The following CRAMP1 variants were observed in gnomAD, a reference collection of about 807,000 sequenced individuals.
CRAMP1 encodes the protein cramped chromatin regulator 1, also known as protein cramped-like.
In CRAMP1, 50 loss-of-function variants were observed where a neutral mutation model predicts 115.4. The observed-to-expected ratio is 0.43, with a 90% CI of 0.35 to 0.55. CRAMP1 has a LOEUF of 0.55. CRAMP1 is among the 20% of genes least tolerant of loss of function. CRAMP1 has a pLI of 0.01. For synonymous variants in CRAMP1, 866 were observed against 745.4 expected (o/e 1.16, Z -2.64); for missense variants, 1,679 against 1,721.7 (o/e 0.98, Z 0.44).
At chr16:1,623,743 T>G (rs1046791680) in intron 2 of CRAMP1, among the ~76,000 whole-genome samples, 2 of 152,214 alleles carry the variant, frequency 1.3e-5, no homozygotes, top group Admixed American at 6.5e-5. Flanking sequence ...TGCCCTGTAT[T>G]GAAAAGTTAA....
chr16:1,659,991 C>T lies in CRAMP1; in HGVS notation c.2341C>T (p.Arg781Cys), dbSNP rs746650368. 17 of 1,605,950 alleles carry T rather than the reference C, an allele frequency of 1.1e-5. No individual in the cohort carries two copies. The highest frequency in any genetic ancestry group is 1.3e-5 in the Non-Finnish European group (15 of 1,179,750). ...KVVTVSSRSP[R>C]CPRNQASLRS... ...GGTGACCGTCAGCTCTCGCAGCCCCCGCTGCCCTCGGAACCAGGCCTCCCT... is the reference window on the plus strand; with the variant it reads ...GGTGACCGTCAGCTCTCGCAGCCCCTGCTGCCCTCGGAACCAGGCCTCCCT... The change falls in exon 11 of 21, where the codon CGC becomes TGC. Residue 781 changes from arginine to cysteine, a missense_variant. Transcript: ENST00000397412.
Position 1,632,736 on chromosome 16 carries a change from G to A in CRAMP1, c.694+371G>A, listed in dbSNP as rs576034679. On this transcript the variant is annotated intron_variant, in intron 4 of 20. Coordinates refer to ENST00000397412, the MANE Select transcript of CRAMP1 (RefSeq NM_020825.4). ...GCGAGGGGCTTGGGCCGCAGGCACC[G>A]TGCCTGGCGCTGGTCTTCCTGGGGG... 2.6e-5 allele frequency among the ~76,000 whole-genome samples: 4 copies of A among 152,346 alleles called. No homozygotes were observed. In the East Asian group the frequency reaches 5.8e-4, roughly 22 times the overall value.
rs1464955247 is a variant in CRAMP1, at chr16:1,668,117, T to C, written c.3258T>C (p.Asp1086=). 1.9e-6 allele frequency: 3 copies of C among 1,613,426 alleles called. No homozygotes were observed. Residue 1086 remains aspartate (D), a synonymous_variant, in exon 18 of 21, where the codon GAT becomes GAC. Transcript: ENST00000397412. ...LDISLPGPPE[D]ALSQGEPATH... is the part of the protein sequence containing the mutation. ...TCTCCCTGCCCGGCCCACCTGAGGA[T>C]GCGCTGTCACAGGGCGAGCCTGCCA... is the stretch of plus-strand genomic sequence containing the variant.
chr16:1,659,595 G>C (rs1339578304), intron 10 of CRAMP1, among the ~76,000 whole-genome samples: 1 of 152,112 alleles, frequency 6.6e-6, no homozygotes, highest in African/African-American at 2.4e-5. Flanking sequence ...CACCGTGTTA[G>C]CCAGGATGGT....
At chr16:1,633,427 A>C (rs1455001797) in intron 4 of CRAMP1, among the ~76,000 whole-genome samples, 1 of 152,242 alleles carries the variant, frequency 6.6e-6, no homozygotes, top group Non-Finnish European at 1.5e-5. Context: ...TGGTCTCTGC[A>C]CATTAGGGGT....
Position 1,674,223 on chromosome 16 carries a change from T to A in CRAMP1, c.*178T>A. The A allele has an allele frequency of 3.2e-6, 2 of 630,616 alleles. No homozygotes were observed. The highest frequency in any genetic ancestry group is 5.5e-6 in the Non-Finnish European group (2 of 365,874). The allele number at this position is 630,616 out of a possible 1,614,324, so 39.1% of individuals were successfully genotyped here. A position where few individuals can be genotyped will look rare whatever the true frequency, so the allele number is the denominator to read the frequency against. On this transcript the variant is annotated 3_prime_UTR_variant, in exon 21 of 21. Transcript: ENST00000397412. ...AGCAGGCAACGGCGTCCAAGGAGACTAGGATGAGTTCTTGGCAAGGGCCAG... is the reference window on the plus strand; with the variant it reads ...AGCAGGCAACGGCGTCCAAGGAGACAAGGATGAGTTCTTGGCAAGGGCCAG...
At chr16:1,673,776 G>T in intron 20 of CRAMP1, 105 bp from the exon 21 acceptor site, 2 of 1,040,062 alleles carry the variant, frequency 1.9e-6, no homozygotes, top group Non-Finnish European at 2.9e-6. Flanking sequence ...TTAGCTTCCT[G>T]CAGCGGGAGT....
Position 1,619,036 on chromosome 16 carries a change from T to C in CRAMP1, c.346+4051T>C, listed in dbSNP as rs544536531. 4.6e-5 allele frequency among the ~76,000 whole-genome samples: 7 copies of C among 152,378 alleles called. No homozygotes were observed. The East Asian group carries it at 1.3e-3, about 29-fold the overall frequency. On this transcript the variant is annotated intron_variant, in intron 2 of 20. Transcript: ENST00000397412. ...AGGTAGACTTTTCGATTTTCATTTT[T>C]GTATCTTATTGTGGCTTATGTAAGG...
Position 1,668,173 on chromosome 16 carries a change from C to G in CRAMP1, c.3314C>G (p.Ala1105Gly). Residue 1105 changes from alanine to glycine, a missense_variant, in exon 18 of 21, where the codon GCC becomes GGC. Physicochemically the swap from Ala to Gly is moderately conservative, Grantham distance 60. Transcript: ENST00000397412. ...ATTAGCGACTCCATCATTGAGATCG[C>G]CATCAGCTCCGGTCAGTACGGTAAG... Reference protein sequence around the residue: ...THISDSIIEIAISSGQYGEGV... With the variant: ...THISDSIIEIGISSGQYGEGV... 1 of 1,613,468 alleles carries G rather than the reference C, an allele frequency of 6.2e-7. No homozygotes were observed. Among genetic ancestry groups the G allele is most frequent in the Middle Eastern group, 1.6e-4 (1 of 6,062 alleles).
chr16:1,656,328 A>G lies in CRAMP1; in HGVS notation c.1571A>G (p.Glu524Gly). The change falls in exon 10 of 21, where the codon GAG becomes GGG. Residue 524 changes from glutamate (E) to glycine (G), a missense_variant. Glu to Gly is a moderately conservative substitution (Grantham distance 98). This residue lies in a region of CRAMP1 where 405 missense variants were observed against 302.6 expected (regional missense o/e 1.34). Transcript: ENST00000397412. The surrounding 1 kb of genome is among the most constrained non-coding windows in gnomAD (Gnocchi z 5.6). The part of the protein sequence containing the change: ...PRHQDTGPCL[E>G]KTPAEGRDSP... ...CACCAGGACACTGGGCCATGTCTTG[A>G]GAAGACCCCTGCAGAAGGCAGGGAC... The G allele has an allele frequency of 6.2e-7, 1 of 1,610,876 alleles. No individual in the cohort carries two copies. Among genetic ancestry groups the G allele is most frequent in the Non-Finnish European group, 8.5e-7 (1 of 1,179,108 alleles).
chr16:1,662,865 G>A (rs2036845124), intron 13 of CRAMP1, 30 bp downstream of exon 13: 2 of 1,592,888 alleles, frequency 1.3e-6, no homozygotes, highest in Admixed American at 1.7e-5. Context: ...TGAACGTGTG[G>A]CCTCGTGGCT....
rs1433069840 is a variant in CRAMP1 at position 1,666,575 on chromosome 16, A to C, written c.3011A>C (p.Asp1004Ala). 1 of 1,613,774 alleles carries C rather than the reference A, an allele frequency of 6.2e-7. No individual in the cohort carries two copies. The highest frequency in any genetic ancestry group is 8.5e-7 in the Non-Finnish European group (1 of 1,179,854). Reference protein sequence around the residue: ...SGQDSTGTHQDGDTLPTVGGS... With the variant: ...SGQDSTGTHQAGDTLPTVGGS... ...CAGGACTCTACTGGAACTCACCAGG[A>C]TGGAGACACCCTCCCCACCGTGGGG... Residue 1004 changes from aspartate (D) to alanine (A), a missense_variant, in exon 16 of 21, where the codon GAT becomes GCT. This residue lies in a region of CRAMP1 where 709 missense variants were observed against 741.9 expected (regional missense o/e 0.96). Transcript: ENST00000397412. The surrounding 1 kb of genome is among the most constrained non-coding windows in gnomAD (Gnocchi z 5.0).
Position 1,671,561 on chromosome 16 carries a change from G to A in CRAMP1, c.3645+752G>A, listed in dbSNP as rs950240468. On this transcript the variant is annotated intron_variant, in intron 20 of 20. Transcript: ENST00000397412. The surrounding 1 kb of genome is among the most constrained non-coding windows in gnomAD (Gnocchi z 5.0). ...CAGAGTGGCAGGTGTGTGGGCAGTC[G>A]GGTGAGGGCTCTATGGACAGGGAGG... 5.9e-5 allele frequency among the ~76,000 whole-genome samples: 9 copies of A among 152,160 alleles called. No individual in the cohort carries two copies. Among genetic ancestry groups the A allele is most frequent in the African/African-American group, 1.7e-4 (7 of 41,430 alleles).
chr16:1,642,835 T>G (rs1449211976), intron 6 of CRAMP1, among the ~76,000 whole-genome samples: 1 of 152,250 alleles, frequency 6.6e-6, no homozygotes, highest in Non-Finnish European at 1.5e-5. Flanking sequence ...GACTCTTTGC[T>G]GTATGCTTGA....
intron 2 of CRAMP1, among the ~76,000 whole-genome samples, chr16:1,620,290 C>T (rs1212030604): frequency 1.3e-5 from 2 of 152,196 alleles, no homozygotes. Context: ...GGAAGGGTCC[C>T]TGCTGTCTTA....
chr16:1,615,091 C>T (rs2036406502), intron 2 of CRAMP1, 106 bp downstream of exon 2: 1 of 615,970 alleles, frequency 1.6e-6, no homozygotes, highest in East Asian at 3.6e-5. Context: ...TCACCCATCC[C>T]GCGGCCTACA....
chr16:1,620,406 T>C (rs1436416090), intron 2 of CRAMP1, among the ~76,000 whole-genome samples: 3 of 152,160 alleles, frequency 2.0e-5, no homozygotes, highest in Admixed American at 2.0e-4. Context: ...CCTTTCTAGC[T>C]GAGAAATGAG....
At position 1,665,137 on chromosome 16, in the gene CRAMP1, T is replaced by A; in HGVS notation, c.2751T>A (p.Thr917=). The A allele has an allele frequency of 6.2e-7, 1 of 1,607,028 alleles. No homozygotes were observed. The highest frequency in any genetic ancestry group is 1.1e-5 in the South Asian group (1 of 90,938). ...CCATCCTGTCTAACTCTTCCGTAAC[T>A]GGTAAGGACCCTGAGCTTTTCTGGG... ...SFSILSNSSV[T]GRGSFRPIQS... Residue 917 remains threonine (T), a splice_region_variant and synonymous_variant, in exon 14 of 21, where the codon ACT becomes ACA. Coordinates refer to ENST00000397412, the MANE Select transcript of CRAMP1 (RefSeq NM_020825.4).
rs779426720 is a variant in CRAMP1 at position 1,662,533 on chromosome 16, C to T, written c.2457C>T (p.Ser819=). Residue 819 remains serine (S), a synonymous_variant, in exon 12 of 21, where the codon TCC becomes TCT. Coordinates refer to ENST00000397412, the MANE Select transcript of CRAMP1 (RefSeq NM_020825.4). ...GACCCCTCTTGGTGCCTGGTCCCTC[C>T]AGCACAGGAAGCAATGACTCAGATG... The part of the protein sequence containing the change: ...PPRPLLVPGP[S]STGSNDSDGG... 4 of 1,613,970 alleles carry T rather than the reference C, an allele frequency of 2.5e-6. No individual in the cohort carries two copies. In the East Asian group the frequency reaches 8.9e-5, roughly 36 times the overall value.
Sources: gnomAD v4.1 joint callset for allele counts (sites outside exome capture counted in the v4.1 genomes callset) on GRCh38, gnomAD v4.1.1 for gene constraint, gnomAD v4.1.1 regional missense constraint, Gnocchi (gnomAD v3.1) non-coding constraint, MANE v1.5 for transcripts, NCBI Gene and HGNC (gene_info 2026-07-23, HGNC 2026-07-21) for gene names.